DBP: variants seen among roughly 807,000 people sequenced by gnomAD.
DBP encodes the protein D-box binding PAR bZIP transcription factor, also known as D site-binding protein.
Under a neutral mutation model 21.4 loss-of-function variants are expected in DBP, and 12 were observed. That is an observed-to-expected ratio of 0.56 (90% CI 0.36 to 0.91). DBP has a LOEUF of 0.91. Among genes scored for constraint, DBP ranks in the 40% least tolerant of loss-of-function variants. The pLI is 0.01. For missense variants in DBP, 423 were observed against 473.4 expected (o/e 0.89, Z 0.99); for synonymous variants, 213 against 224.9 (o/e 0.95, Z 0.47).
chr19:48,631,378 C>T (rs1328513612), intron 3 of DBP: 4 of 327,300 alleles, frequency 1.2e-5, no homozygotes, highest in Non-Finnish European at 2.3e-5. Flanking sequence ...ACAAGGCCTT[C>T]ATGGTCTGAG....
Position 48,635,844 on chromosome 19 carries a change from C to T in DBP, c.286G>A (p.Ala96Thr). 1.4e-6 allele frequency: 2 copies of T among 1,403,740 alleles called. No individual in the cohort carries two copies. The highest frequency in any genetic ancestry group is 1.5e-5 in the South Asian group (1 of 64,864). The allele number at this position is 1,403,740 out of a possible 1,614,324, so 87.0% of individuals were successfully genotyped here. A position where few individuals can be genotyped will look rare whatever the true frequency, so the allele number is the denominator to read the frequency against. ...AGCAGTGGCGCCAACAGACCCGGGGCGGGCACCGGCCCCGGGCGCCCCCGC... is the reference window on the plus strand; with the variant it reads ...AGCAGTGGCGCCAACAGACCCGGGGTGGGCACCGGCCCCGGGCGCCCCCGC... ...SPRGRPGPVP[A>T]PGLLAPLLWE... Residue 96 changes from alanine to threonine, a missense_variant, in exon 2 of 4, where the codon GCC (alanine) becomes ACC (threonine). Around this residue, in one of 4 missense-constraint regions of DBP, gnomAD observed 283 missense variants for 273.7 expected, o/e 1.03. Coordinates refer to ENST00000222122, the MANE Select transcript of DBP (RefSeq NM_001352.5).
chr19:48,635,537 A>ACCTGCGTCGCAC lies in DBP; in HGVS notation c.550+42_550+43insGTGCGACGCAGG, dbSNP rs752612550. 1.6e-3 allele frequency: 2,319 copies of ACCTGCGTCGCAC among 1,455,896 alleles called. 5 individuals are homozygous for ACCTGCGTCGCAC. The highest frequency in any genetic ancestry group is 2.1e-3 in the South Asian group (162 of 77,448). 90.2% of individuals were successfully genotyped at this position (1,455,896 alleles called of 1,614,324 possible). A position where few individuals can be genotyped will look rare whatever the true frequency, so the allele number is the denominator to read the frequency against. On this transcript the variant is annotated intron_variant, in intron 2 of 3. Coordinates refer to ENST00000222122, the MANE Select transcript of DBP (RefSeq NM_001352.5). ...TCGCACAGCCCCGCCCCCTGAGTCC[A>ACCTGCGTCGCAC]AGCCCCGCCCCGTCAGGACCCGCCC...
At chr19:48,636,815 G>GTAC in intron 1 of DBP, 41 bp downstream of exon 1, 1 of 1,606,686 alleles carries the variant, frequency 6.2e-7, no homozygotes, top group Non-Finnish European at 8.5e-7. Context: ...CCCTAAGGGG[G>GTAC]TAGGGTGTCC....
At position 48,637,147 on chromosome 19, in the gene DBP, C is replaced by T. The variant is rs897046127; in HGVS notation, c.-153G>A. The T allele has an allele frequency of 1.5e-6, 1 of 648,854 alleles. No homozygotes were observed. The highest frequency in any genetic ancestry group is 3.3e-5 in the East Asian group (1 of 30,398). 40.2% of individuals were successfully genotyped at this position (648,854 alleles called of 1,614,324 possible). ...TCCAGTATCCAGAACGCTGCAAATC[C>T]TAGGAGCGACGGGGATTTGAGGTCC... On this transcript the variant is annotated 5_prime_UTR_variant, in exon 1 of 4. The change abolishes the stop of an existing upstream ORF in the 5' untranslated region. Transcript: ENST00000222122.
At chr19:48,635,454 G>C in intron 2 of DBP, 126 bp downstream of exon 2, 2 of 1,476,850 alleles carry the variant, frequency 1.4e-6, no homozygotes, top group Non-Finnish European at 1.8e-6. Flanking sequence ...GACACCTCTC[G>C]ACAACTGGAC....
chr19:48,630,835 C>A lies in DBP; in HGVS notation c.*2G>T. ...TCCGCCAGGTGGGGATGTGGGGCAG[C>A]CTCACAGGGCCCCGTGCTGGGCCTG... On this transcript the variant is annotated 3_prime_UTR_variant, in exon 4 of 4. Transcript: ENST00000222122. The surrounding 1 kb of genome is among the most constrained non-coding windows in gnomAD (Gnocchi z 4.9). 6.3e-7 allele frequency: 1 copy of A among 1,583,196 alleles called. No homozygotes were observed.
chr19:48,635,397 A>AG (rs147639660), intron 2 of DBP, 183 bp downstream of exon 2: 1 of 1,449,998 alleles, frequency 6.9e-7, no homozygotes, highest in South Asian at 1.2e-5. Context: ...CCATGGATCC[A>AG]TTGGTCCCTG....
chr19:48,636,265 G>A (rs1294978135), intron 1 of DBP, among the ~76,000 whole-genome samples: 1 of 152,152 alleles, frequency 6.6e-6, no homozygotes, highest in East Asian at 1.9e-4. Context: ...CAGCGAACCA[G>A]AGAAAGAGAG....
chr19:48,632,730 G>A (rs1406763871), intron 3 of DBP: 2 of 152,432 alleles, frequency 1.3e-5, no homozygotes, highest in Non-Finnish European at 2.9e-5. Context: ...CCACCAGTGA[G>A]AAGTCCAGGC....
intron 2 of DBP, chr19:48,633,903 C>G: frequency 1.9e-6 from 1 of 525,380 alleles, no homozygotes; most frequent in Admixed American, 3.3e-5. Context: ...AGTTCAAGAC[C>G]AGCATGGCCA....
chr19:48,637,000 G>T lies in DBP; in HGVS notation c.-6C>A, dbSNP rs773393801. ...TCGCTCACAGGCCGCGCCATCGCCT[G>T]GCACCTGCCCCCAGGCTCACGGGTT... On this transcript the variant is annotated 5_prime_UTR_variant, in exon 1 of 4. Transcript: ENST00000222122. 7.4e-6 allele frequency: 11 copies of T among 1,490,142 alleles called. No homozygotes were observed. The African/African-American group carries it at 1.5e-4, about 21-fold the overall frequency. The allele number at this position is 1,490,142 out of a possible 1,614,324, so 92.3% of individuals were successfully genotyped here.
intron 2 of DBP, chr19:48,635,227 C>CG: frequency 8.9e-7 from 1 of 1,127,222 alleles, no homozygotes; most frequent in Non-Finnish European, 1.1e-6. Flanking sequence ...GGCCCAGATT[C>CG]GGGGGTCAGT....
chr19:48,633,322 G>T, intron 3 of DBP, 122 bp downstream of exon 3: 1 of 1,037,126 alleles, frequency 9.6e-7, no homozygotes, highest in Non-Finnish European at 1.5e-6. Context: ...GTGGCTGCAG[G>T]CCAGGAGAGG....
chr19:48,636,923 G>T lies in DBP; in HGVS notation c.72C>A (p.Gly24=). Reference sequence around the variant, plus strand: ...TCCGCAACCCAAGCAGCGCTCCCCCGCCAGGGGGTGTCCCGGCCGGGCCGC... The same window carrying T: ...TCCGCAACCCAAGCAGCGCTCCCCCTCCAGGGGGTGTCCCGGCCGGGCCGC... The part of the protein sequence containing the change: ...LLGGPAGTPP[G]GGALLGLRSL... The change falls in exon 1 of 4, where the codon GGC becomes GGA. Residue 24 remains glycine, a synonymous_variant. Coordinates refer to ENST00000222122, the MANE Select transcript of DBP (RefSeq NM_001352.5). 1.3e-6 allele frequency: 2 copies of T among 1,592,058 alleles called. No individual in the cohort carries two copies. Among genetic ancestry groups the T allele is most frequent in the South Asian group, 1.1e-5 (1 of 88,400 alleles).
chr19:48,635,453 C>G (rs1285414443), intron 2 of DBP, 127 bp downstream of exon 2: 8 of 1,477,880 alleles, frequency 5.4e-6, no homozygotes, highest in Non-Finnish European at 7.2e-6. Context: ...CGACACCTCT[C>G]GACAACTGGA....
At chr19:48,631,309 CAT>C (rs1158872006) in intron 3 of DBP, 1 of 530,236 alleles carries the variant, frequency 1.9e-6, no homozygotes, top group African/African-American at 1.9e-5. Context: ...GCCCTCCCCA[CAT>C]GATAAAGGCC....
intron 3 of DBP, 59 bp downstream of exon 3, chr19:48,633,385 T>TC: frequency 1.3e-6 from 2 of 1,535,140 alleles, no homozygotes; most frequent in East Asian, 4.5e-5. Context: ...AAAAGGCCCC[T>TC]CCCTGGCTGT....
intron 1 of DBP, among the ~76,000 whole-genome samples, 158 bp from the exon 2 acceptor site, chr19:48,636,148 A>T (rs2030787184): frequency 6.6e-6 from 1 of 152,138 alleles, no homozygotes; most frequent in African/African-American, 2.4e-5. Flanking sequence ...GGAGACGCAG[A>T]GTGGGAGAGA....
In DBP at chr19:48,631,019, T is replaced by G; in HGVS notation, c.796A>C (p.Asn266His). The G allele has an allele frequency of 6.2e-7, 1 of 1,613,768 alleles. No homozygotes were observed. The highest frequency in any genetic ancestry group is 8.5e-7 in the Non-Finnish European group (1 of 1,179,950). ...TCACGGGACCGCTTGGCTGCCTCGT[T>G]GTTCTTGTACCGCCGGCTCCAGTAT... ...EKYWSRRYKN[N>H]EAAKRSRDAR... Residue 266 changes from asparagine (N) to histidine (H), a missense_variant, in exon 4 of 4, where the codon AAC (asparagine) becomes CAC (histidine). Asn to His is a moderately conservative substitution (Grantham distance 68). Around this residue, in one of 4 missense-constraint regions of DBP, gnomAD observed 30 missense variants for 70.9 expected, o/e 0.42. Coordinates refer to ENST00000222122, the MANE Select transcript of DBP (RefSeq NM_001352.5).
Sources: gnomAD v4.1 joint callset for allele counts (sites outside exome capture counted in the v4.1 genomes callset) on GRCh38, gnomAD v4.1.1 for gene constraint, gnomAD v4.1.1 regional missense constraint, Gnocchi (gnomAD v3.1) non-coding constraint, MANE v1.5 for transcripts, NCBI Gene and HGNC (gene_info 2026-07-23, HGNC 2026-07-21) for gene names.